The following ESR1 variants were observed in gnomAD, a reference collection of about 807,000 sequenced individuals.
The protein encoded by ESR1 is estrogen receptor 1, also known as estrogen receptor.
A neutral mutation model predicts 52.7 loss-of-function variants in ESR1; 12 were observed. The observed-to-expected ratio is 0.23, with a 90% CI of 0.15 to 0.37. ESR1 has a LOEUF of 0.37. Ranked by LOEUF, ESR1 falls within the 10% of genes least tolerant of loss-of-function variation. The pLI is 1.00. For missense variants in ESR1, 584 were observed against 779.7 expected (o/e 0.75, Z 2.99); for synonymous variants, 305 against 316.8 (o/e 0.96, Z 0.39).
rs9341049 is a variant in ESR1 at position 152,094,058 on chromosome 6, A to G, written c.1370-327A>G. On this transcript the variant is annotated intron_variant, in intron 6 of 7. Coordinates refer to ENST00000206249, the MANE Select transcript of ESR1 (RefSeq NM_000125.4). The surrounding 1 kb of genome is among the most constrained non-coding windows in gnomAD (Gnocchi z 4.6). ...GGTTGTCAGTTACATGGTCAATTAC[A>G]TTACATGGACAATTCATGATGGTGT... Among the ~76,000 whole-genome samples, 1,019 of 152,300 alleles carry G rather than the reference A, an allele frequency of 6.7e-3. 11 individuals are homozygous for G. The highest frequency in any genetic ancestry group is 0.023 in the African/African-American group (943 of 41,568).
At chr6:151,986,043 G>C (rs1401603192) in intron 4 of ESR1, among the ~76,000 whole-genome samples, 1 of 152,080 alleles carries the variant, frequency 6.6e-6, no homozygotes, top group East Asian at 1.9e-4. Flanking sequence ...CTGTTGATAA[G>C]TTTCTTCATT....
At chr6:152,070,833 A>G (rs1391813622) in intron 6 of ESR1, among the ~76,000 whole-genome samples, 1 of 138,664 alleles carries the variant, frequency 7.2e-6, no homozygotes, top group Non-Finnish European at 1.5e-5. Flanking sequence ...ATTCAGCTCC[A>G]TTTCCTCTGA....
intron 4 of ESR1, among the ~76,000 whole-genome samples, chr6:151,975,567 G>A (rs2039363684): frequency 3.9e-5 from 6 of 152,008 alleles, no homozygotes; most frequent in Admixed American, 3.9e-4. Flanking sequence ...AGCTCAGGCG[G>A]GATTTCTCTG....
chr6:151,789,174 C>T (rs1787298050), intron 2 of ESR1, among the ~76,000 whole-genome samples: 2 of 152,124 alleles, frequency 1.3e-5, no homozygotes, highest in East Asian at 3.8e-4. Context: ...ACCCTTATTA[C>T]ACAATTAGTG....
chr6:151,778,285 G>A (rs117524059), intron 2 of ESR1, among the ~76,000 whole-genome samples: 10,703 of 151,938 alleles, frequency 0.07, 510 homozygotes, highest in Non-Finnish European at 0.086. Flanking sequence ...ATTTCTGTTT[G>A]GGATGATGAA....
At chr6:151,900,776 A>G (rs1016300557) in intron 3 of ESR1, among the ~76,000 whole-genome samples, 1 of 152,256 alleles carries the variant, frequency 6.6e-6, no homozygotes, top group Non-Finnish European at 1.5e-5. Context: ...CTGTCTGCTC[A>G]GAGTCCTGTG....
At chr6:151,697,970 C>A (rs890110906) in intron 1 of ESR1, among the ~76,000 whole-genome samples, 1 of 151,978 alleles carries the variant, frequency 6.6e-6, no homozygotes, top group African/African-American at 2.4e-5. Flanking sequence ...TGGCAGCATG[C>A]GCCTGTAGTC....
At chr6:152,074,291 G>A (rs1364669519) in intron 6 of ESR1, among the ~76,000 whole-genome samples, 2 of 152,120 alleles carry the variant, frequency 1.3e-5, no homozygotes, top group Admixed American at 6.5e-5. Context: ...TCTTTTTACT[G>A]TCTCCACAGT....
chr6:151,899,808 G>C (rs956702761), intron 3 of ESR1, among the ~76,000 whole-genome samples: 28 of 151,762 alleles, frequency 1.8e-4, no homozygotes, highest in Non-Finnish European at 3.4e-4. Context: ...GGGCGGCAGG[G>C]CAGAGACGCT....
chr6:152,047,958 T>TC (rs2046359193), intron 5 of ESR1, among the ~76,000 whole-genome samples: 1 of 92,760 alleles, frequency 1.1e-5, no homozygotes, highest in African/African-American at 8.2e-5. Context: ...CCTCAAGCAT[T>TC]TTTTTTTTTT....
chr6:151,900,779 G>C (rs1443632976), intron 3 of ESR1, among the ~76,000 whole-genome samples: 9 of 152,354 alleles, frequency 5.9e-5, no homozygotes, highest in Non-Finnish European at 1.3e-4. Flanking sequence ...TCTGCTCAGA[G>C]TCCTGTGCTA....
At position 151,712,194 on chromosome 6, in the gene ESR1, C is replaced by T. The variant is rs1780665766; in HGVS notation, c.-71+10189C>T. The stretch of plus-strand genomic sequence containing the variant: ...TTTCTGAGGCCTCTGTTCTGTTCCA[C>T]TGGTTTATATATCTGTTTTGGTACC... On this transcript the variant is annotated intron_variant, in intron 2 of 2. Coordinates refer to the ESR1 transcript ENST00000404742. 2.0e-5 allele frequency among the ~76,000 whole-genome samples: 3 copies of T among 152,166 alleles called. No homozygotes were observed. The South Asian group carries it at 6.2e-4, about 32-fold the overall frequency.
Position 152,102,073 on chromosome 6 carries a change from T to A in ESR1, c.*3107T>A. 1 of 213,888 alleles carries A rather than the reference T, an allele frequency of 4.7e-6. No homozygotes were observed. Among genetic ancestry groups the A allele is most frequent in the Non-Finnish European group, 9.5e-6 (1 of 105,520 alleles). 13.2% of individuals were successfully genotyped at this position (213,888 alleles called of 1,614,324 possible). The stretch of plus-strand genomic sequence containing the variant: ...TCATCCAAAGAGAAGACCCTATCAA[T>A]GTAGGTTGCAAAATCTAACCCCTAA... On this transcript the variant is annotated 3_prime_UTR_variant, in exon 8 of 8. Transcript: ENST00000206249.
chr6:152,098,591 T>C lies in ESR1; in HGVS notation c.1554-141T>C. 2 of 747,742 alleles carry C rather than the reference T, an allele frequency of 2.7e-6. No homozygotes were observed. Among genetic ancestry groups the C allele is most frequent in the Non-Finnish European group, 4.7e-6 (2 of 429,688 alleles). The allele number at this position is 747,742 out of a possible 1,614,324, so 46.3% of individuals were successfully genotyped here. A position where few individuals can be genotyped will look rare whatever the true frequency, so the allele number is the denominator to read the frequency against. On this transcript the variant is annotated intron_variant, in intron 7 of 7. Transcript: ENST00000206249. The surrounding 1 kb of genome is among the most constrained non-coding windows in gnomAD (Gnocchi z 5.1). ...CCCTCAGCTTTCCCAGCTCCCATCC[T>C]AAAGTGGGTCTTTAAACAGGAAGAA...
chr6:152,081,271 C>A (rs1408626782), intron 6 of ESR1, among the ~76,000 whole-genome samples: 1 of 152,134 alleles, frequency 6.6e-6, no homozygotes, highest in Non-Finnish European at 1.5e-5. Flanking sequence ...TCACAACAAA[C>A]TGTCTCTCAG....
chr6:152,071,683 T>A (rs1218119581), intron 6 of ESR1, among the ~76,000 whole-genome samples: 1 of 152,254 alleles, frequency 6.6e-6, no homozygotes, highest in East Asian at 1.9e-4. Flanking sequence ...ATTATATACA[T>A]GTACTTTCTT....
chr6:151,988,825 G>GA (rs573051889), intron 4 of ESR1, among the ~76,000 whole-genome samples: 4 of 151,910 alleles, frequency 2.6e-5, no homozygotes, highest in Admixed American at 6.6e-5. Flanking sequence ...ACTTGTATAT[G>GA]AAAAAAATAT....
intron 3 of ESR1, among the ~76,000 whole-genome samples, chr6:151,901,952 C>T (rs1447830816): frequency 1.3e-5 from 2 of 152,192 alleles, no homozygotes; most frequent in African/African-American, 4.8e-5. Flanking sequence ...CTAGTCCTGC[C>T]TCCTTTCCAC....
chr6:151,670,669 C>T (rs1404297374), intron 1 of ESR1, among the ~76,000 whole-genome samples: 1 of 152,080 alleles, frequency 6.6e-6, no homozygotes, highest in Non-Finnish European at 1.5e-5. Flanking sequence ...CTGCAGCCTC[C>T]ACCTCCCGGA....
Sources: gnomAD v4.1 joint callset for allele counts (sites outside exome capture counted in the v4.1 genomes callset) on GRCh38, gnomAD v4.1.1 for gene constraint, Gnocchi (gnomAD v3.1) non-coding constraint, MANE v1.5 for transcripts, NCBI Gene and HGNC (gene_info 2026-07-23, HGNC 2026-07-21) for gene names.